Variants in FOXP1 observed in about 807,000 individuals in gnomAD.
The protein encoded by FOXP1 is forkhead box protein P1.
A neutral mutation model predicts 98.2 loss-of-function variants in FOXP1; 15 were observed. The ratio of observed to expected loss-of-function variants is 0.15; its 90% CI spans 0.10 to 0.24. The LOEUF (loss-of-function observed/expected upper bound fraction) is 0.24, where lower values mean the gene tolerates loss of function less well. Ranked by LOEUF, FOXP1 falls within the 10% of genes least tolerant of loss-of-function variation. The probability of loss-of-function intolerance (pLI) is 1.00; values close to 1 mark genes in which losing one functional copy is unlikely to be tolerated. For synonymous variants in FOXP1, 371 were observed against 314.5 expected (o/e 1.18, Z -1.90); for missense variants, 633 against 848.5 (o/e 0.75, Z 3.15).
chr3:71,400,751 T>C (rs1319975104), intron 3 of FOXP1, among the ~76,000 whole-genome samples: 2 of 152,166 alleles, frequency 1.3e-5, no homozygotes, highest in Non-Finnish European at 2.9e-5. Context: ...AAGCTGAATT[T>C]TTTCCCCATC....
At chr3:71,498,014 C>T (rs1343916952) in intron 2 of FOXP1, among the ~76,000 whole-genome samples, 1 of 152,156 alleles carries the variant, frequency 6.6e-6, no homozygotes, top group East Asian at 1.9e-4. Context: ...AAGCTTTCTC[C>T]CTTTTCAATT....
At position 71,224,076 on chromosome 3, in the gene FOXP1, G is replaced by A. The variant is rs147327817; in HGVS notation, c.-11-25684C>T. ...TGAATTTAGAGGAATTAAGATTAACGAGTTGTACCATCTGTATAGTAAAAG... is the reference window on the plus strand; with the variant it reads ...TGAATTTAGAGGAATTAAGATTAACAAGTTGTACCATCTGTATAGTAAAAG... On this transcript the variant is annotated intron_variant, in intron 5 of 20. Transcript: ENST00000649528. Among the ~76,000 whole-genome samples the A allele has an allele frequency of 1.8e-4, 28 of 152,304 alleles. No homozygotes were observed. The East Asian group carries it at 5.2e-3, about 28-fold the overall frequency.
upstream of FOXP1, chr3:71,583,848 C>T (rs1350040228): frequency 6.1e-6 from 6 of 986,140 alleles, no homozygotes; most frequent in African/African-American, 1.8e-5. Context: ...AGCACCGGCC[C>T]GGGGGCGCAC....
At chr3:71,117,797 T>C (rs1166565357) in intron 6 of FOXP1, among the ~76,000 whole-genome samples, 1 of 152,114 alleles carries the variant, frequency 6.6e-6, no homozygotes, top group Admixed American at 6.5e-5. Flanking sequence ...GATGTGACAA[T>C]TGCCTGGCAC....
chr3:71,008,049 TA>T (rs2043026375), intron 12 of FOXP1, among the ~76,000 whole-genome samples: 1 of 152,188 alleles, frequency 6.6e-6, no homozygotes, highest in African/African-American at 2.4e-5. Context: ...TCAAATAGGA[TA>T]CTAAGCAAGG....
In FOXP1 at chr3:71,047,074, G is replaced by A. The variant is rs2049120354; in HGVS notation, c.532C>T (p.Gln178Ter). ...AAAAGCTGCTGCTGAAAAGCCAACT[G>A]CTGGGTAGCCACCTGCTGTTGCTGT... ...PKEQQQVATQ[Q>*]LAFQQQLLQM... Residue 178 changes from glutamine (Q) to a stop codon, truncating the protein, a stop_gained, in exon 10 of 21, where the codon CAG becomes TAG. Transcript: ENST00000649528. LOFTEE classifies it high-confidence loss of function. 1 of 1,613,932 alleles carries A rather than the reference G, an allele frequency of 6.2e-7. No individual in the cohort carries two copies. Among genetic ancestry groups the A allele is most frequent in the Non-Finnish European group, 8.5e-7 (1 of 1,179,962 alleles).
At chr3:71,194,011 C>T (rs1467459707) in intron 6 of FOXP1, among the ~76,000 whole-genome samples, 1 of 152,196 alleles carries the variant, frequency 6.6e-6, no homozygotes, top group Non-Finnish European at 1.5e-5. Context: ...TCACTGTCTT[C>T]TGGGCCACAA....
At chr3:71,451,535 G>GT (rs57747030) in intron 3 of FOXP1, among the ~76,000 whole-genome samples, 156 of 149,828 alleles carry the variant, frequency 1.0e-3, no homozygotes, top group East Asian at 8.6e-3. Flanking sequence ...ATTTAAATGA[G>GT]TTTTTTTTTT....
chr3:71,021,831 A>T lies in FOXP1; in HGVS notation c.870-6178T>A, dbSNP rs1390603529. ...CTATGTGTGTATCTTCTACAGCAAA[A>T]TGTCTATTACGAGCCTTTGCCTATT... On this transcript the variant is annotated intron_variant, in intron 11 of 20. Transcript: ENST00000649528. 2.6e-5 allele frequency among the ~76,000 whole-genome samples: 4 copies of T among 152,174 alleles called. No individual in the cohort carries two copies. The South Asian group carries it at 8.3e-4, about 32-fold the overall frequency.
rs71120316 is a variant in FOXP1 at position 71,345,871 on chromosome 3, TAAAAAAAAAAAA to T, written c.-73+13267_-73+13278del. On this transcript the variant is annotated intron_variant, in intron 4 of 20. Coordinates refer to ENST00000649528, the MANE Select transcript of FOXP1 (RefSeq NM_001349338.3). ...AGGTTTGAAATCAATAAAGTTTTTG[TAAAAAAAAAAAA>T]AAAAAAAAAAAAAAAGAGGAGTGAG... Among the ~76,000 whole-genome samples, 4 of 55,098 alleles carry T rather than the reference TAAAAAAAAAAAA, an allele frequency of 7.3e-5. No homozygotes were observed. The East Asian group carries it at 1.9e-3, about 27-fold the overall frequency. 36.1% of individuals were successfully genotyped at this position (55,098 alleles called of 152,430 possible). A position where few individuals can be genotyped will look rare whatever the true frequency, so the allele number is the denominator to read the frequency against.
At chr3:71,132,785 G>T (rs1390987912) in intron 6 of FOXP1, among the ~76,000 whole-genome samples, 1 of 152,004 alleles carries the variant, frequency 6.6e-6, no homozygotes, top group African/African-American at 2.4e-5. Context: ...TTGTGCAAAC[G>T]AGTCCTGGGT....
rs1406729917 is a variant in FOXP1, at chr3:70,957,731, GAT to G, written c.*1514_*1515del. On this transcript the variant is annotated 3_prime_UTR_variant, in exon 21 of 21. Transcript: ENST00000649528. ...CCCCCCCAAAGCCCAGGGCCTACAT[GAT>G]ATCTTCTATGAGTTTTTGTGATACT... 4.3e-6 allele frequency: 1 copy of G among 233,512 alleles called. No homozygotes were observed. The highest frequency in any genetic ancestry group is 5.6e-5 in the Admixed American group (1 of 17,788). 14.5% of individuals were successfully genotyped at this position (233,512 alleles called of 1,614,324 possible).
intron 4 of FOXP1, among the ~76,000 whole-genome samples, chr3:71,337,153 T>C (rs1331460833): frequency 6.6e-6 from 1 of 152,180 alleles, no homozygotes; most frequent in Non-Finnish European, 1.5e-5. Context: ...TGAGTTGTTT[T>C]TGGAAAGGGC....
At chr3:71,403,010 A>G (rs2082047357) in intron 3 of FOXP1, among the ~76,000 whole-genome samples, 1 of 152,232 alleles carries the variant, frequency 6.6e-6, no homozygotes, top group South Asian at 2.1e-4. Context: ...CTTTTTACAC[A>G]TATTTAGCCA....
intron 3 of FOXP1, among the ~76,000 whole-genome samples, chr3:71,364,562 C>A (rs2078787312): frequency 1.3e-5 from 2 of 152,150 alleles, no homozygotes; most frequent in African/African-American, 4.8e-5. Flanking sequence ...CCAAACTTTA[C>A]AGAAAATACA....
chr3:71,504,337 A>C (rs557214978), intron 2 of FOXP1, among the ~76,000 whole-genome samples: 86 of 152,150 alleles, frequency 5.7e-4, no homozygotes, highest in Admixed American at 1.7e-3. Context: ...TTGGCCAGTG[A>C]CTAGTCATCA....
At chr3:70,970,428 T>C (rs993587589) in intron 19 of FOXP1, 22 of 412,448 alleles carry the variant, frequency 5.3e-5, no homozygotes, top group Middle Eastern at 7.2e-4. Flanking sequence ...CTAGAGTAAT[T>C]ACACTTGTGG....
chr3:71,263,290 T>A (rs1190985474), intron 5 of FOXP1, among the ~76,000 whole-genome samples: 1 of 151,928 alleles, frequency 6.6e-6, no homozygotes, highest in African/African-American at 2.4e-5. Context: ...AAACTAAAAG[T>A]AAAACAACAA....
At chr3:71,335,958 C>G (rs1262965222) in intron 4 of FOXP1, among the ~76,000 whole-genome samples, 1 of 129,534 alleles carries the variant, frequency 7.7e-6, no homozygotes, top group African/African-American at 2.9e-5. Flanking sequence ...TGCAGTGGAC[C>G]AAGATCGTGC....
Sources: allele counts gnomAD v4.1 joint callset (sites outside exome capture counted in the v4.1 genomes callset), GRCh38; gene constraint gnomAD v4.1.1; transcripts MANE v1.5; gene names NCBI Gene and HGNC (gene_info 2026-07-23, HGNC 2026-07-21).